The following SMYD3 variants were observed in gnomAD, a reference collection of about 807,000 sequenced individuals.
The protein encoded by SMYD3 is histone-lysine N-methyltransferase SMYD3.
Under a neutral mutation model 57.7 loss-of-function variants are expected in SMYD3, and 36 were observed. The ratio of observed to expected loss-of-function variants is 0.62; its 90% confidence interval spans 0.48 to 0.82. SMYD3 has a LOEUF of 0.82. Among genes scored for constraint, SMYD3 ranks in the 40% least tolerant of loss-of-function variants. The pLI is 0.00. For synonymous variants in SMYD3, 211 were observed against 195.0 expected (o/e 1.08, Z -0.68); for missense variants, 515 against 538.8 (o/e 0.96, Z 0.44).
intron 5 of SMYD3, among the ~76,000 whole-genome samples, chr1:246,216,751 G>C (rs1247672017): frequency 1.3e-5 from 2 of 152,096 alleles, no homozygotes; most frequent in African/African-American, 4.8e-5. Context: ...TGATAAGAAA[G>C]AAATATCCTT....
At chr1:246,055,415 T>G (rs977097413) in intron 5 of SMYD3, among the ~76,000 whole-genome samples, 1 of 151,990 alleles carries the variant, frequency 6.6e-6, no homozygotes. Context: ...CTAGGCAACA[T>G]AGCAAGACCT....
intron 5 of SMYD3, among the ~76,000 whole-genome samples, chr1:246,096,754 T>C (rs1342958619): frequency 2.7e-5 from 4 of 147,190 alleles, no homozygotes; most frequent in Admixed American, 2.0e-4. Context: ...TGGTTATGAT[T>C]GTAACAAATG....
intron 5 of SMYD3, among the ~76,000 whole-genome samples, chr1:246,093,004 T>C (rs954316358): frequency 3.3e-5 from 5 of 151,326 alleles, no homozygotes; most frequent in Non-Finnish European, 7.4e-5. Flanking sequence ...AACACATATA[T>C]GAAAAAATTC....
intron 5 of SMYD3, among the ~76,000 whole-genome samples, chr1:245,994,579 G>A (rs1572860424): frequency 6.6e-6 from 1 of 152,110 alleles, no homozygotes; most frequent in Non-Finnish European, 1.5e-5. Flanking sequence ...CACCACTCTG[G>A]TCATCTCCCA....
At position 245,764,051 on chromosome 1, in the gene SMYD3, T is replaced by G; in HGVS notation, c.1175A>C (p.Asn392Thr). Residue 392 changes from asparagine to threonine, a missense_variant, in exon 11 of 12, where the codon AAT (asparagine) becomes ACT (threonine). Coordinates refer to ENST00000490107, the MANE Select transcript of SMYD3 (RefSeq NM_001167740.2). ...TCTTGGCACACTCACCAGTCTCAGA[T>G]TCTTCATTGCTTGGGGAAACATGCC... is the stretch of plus-strand genomic sequence containing the variant. ...HQGMFPQAMK[N>T]LRLAFDIMRV... 6.2e-7 allele frequency: 1 copy of G among 1,613,354 alleles called. No homozygotes were observed. Among genetic ancestry groups the G allele is most frequent in the Non-Finnish European group, 8.5e-7 (1 of 1,179,312 alleles).
intron 1 of SMYD3, among the ~76,000 whole-genome samples, chr1:246,493,209 T>C (rs1553356418): frequency 8.0e-6 from 1 of 125,114 alleles, no homozygotes; most frequent in Non-Finnish European, 1.7e-5. Flanking sequence ...TCCTAGCTAC[T>C]GGGGGGGAGG....
chr1:246,105,021 T>C (rs984491524), intron 5 of SMYD3, among the ~76,000 whole-genome samples: 1 of 151,796 alleles, frequency 6.6e-6, no homozygotes, highest in Non-Finnish European at 1.5e-5. Flanking sequence ...AAGAGGAGGG[T>C]GGCAGTCGGT....
chr1:246,490,656 T>C (rs1044240527), intron 1 of SMYD3, among the ~76,000 whole-genome samples: 4 of 152,206 alleles, frequency 2.6e-5, no homozygotes, highest in African/African-American at 9.6e-5. Flanking sequence ...GAGGACTGCT[T>C]GAGCCCAGGA....
intron 10 of SMYD3, among the ~76,000 whole-genome samples, chr1:245,802,017 T>C (rs983078199): frequency 6.6e-6 from 1 of 152,138 alleles, no homozygotes; most frequent in African/African-American, 2.4e-5. Flanking sequence ...AATCAATCAG[T>C]CCTACTGATT....
chr1:245,764,032 C>T lies in SMYD3; in HGVS notation c.1185+9G>A. The T allele has an allele frequency of 6.2e-7, 1 of 1,601,206 alleles. No individual in the cohort carries two copies. The highest frequency in any genetic ancestry group is 8.6e-7 in the Non-Finnish European group (1 of 1,168,370). ...CAGGCAGAACTATGTGAGATCTTGG[C>T]ACACTCACCAGTCTCAGATTCTTCA... On this transcript the variant is annotated intron_variant, in intron 11 of 11. Coordinates refer to ENST00000490107, the MANE Select transcript of SMYD3 (RefSeq NM_001167740.2).
At chr1:245,857,926 T>A (rs2051334558) in intron 10 of SMYD3, among the ~76,000 whole-genome samples, 1 of 152,120 alleles carries the variant, frequency 6.6e-6, no homozygotes, top group Non-Finnish European at 1.5e-5. Flanking sequence ...AAGAAGCAAT[T>A]ACCTATAGTT....
chr1:245,982,826 A>C (rs1572842411), intron 5 of SMYD3, among the ~76,000 whole-genome samples: 1 of 152,160 alleles, frequency 6.6e-6, no homozygotes, highest in South Asian at 2.1e-4. Context: ...GGATTTCCTT[A>C]TTTCTTTCGT....
In SMYD3 at chr1:246,335,559, C is replaced by T. The variant is rs369725507; in HGVS notation, c.229-85G>A. 105 of 1,050,844 alleles carry T rather than the reference C, an allele frequency of 1.0e-4. No individual in the cohort carries two copies. In the African/African-American group the frequency reaches 1.3e-3, roughly 14 times the overall value. 65.1% of individuals were successfully genotyped at this position (1,050,844 alleles called of 1,614,324 possible). ...GGTTTTGAACATCAAGAGTCATAAACATTAAATTTTAATAGTCCAAATGTA... is the reference window on the plus strand; with the variant it reads ...GGTTTTGAACATCAAGAGTCATAAATATTAAATTTTAATAGTCCAAATGTA... On this transcript the variant is annotated intron_variant, in intron 2 of 11. Coordinates refer to ENST00000490107, the MANE Select transcript of SMYD3 (RefSeq NM_001167740.2).
At chr1:246,474,737 C>G (rs2068005882) in intron 1 of SMYD3, among the ~76,000 whole-genome samples, 1 of 152,042 alleles carries the variant, frequency 6.6e-6, no homozygotes, top group Non-Finnish European at 1.5e-5. Flanking sequence ...AAAGGGGAGA[C>G]AGGAGACAGA....
At chr1:246,302,307 T>C (rs2064904133) in intron 5 of SMYD3, among the ~76,000 whole-genome samples, 1 of 152,076 alleles carries the variant, frequency 6.6e-6, no homozygotes, top group South Asian at 2.1e-4. Context: ...ACCCTAATAA[T>C]GTTGTTTGAG....
At chr1:246,363,857 C>G (rs1430350434) in intron 1 of SMYD3, among the ~76,000 whole-genome samples, 1 of 152,072 alleles carries the variant, frequency 6.6e-6, no homozygotes, top group East Asian at 1.9e-4. Context: ...GACCTTCCCT[C>G]CACTATTGTC....
intron 10 of SMYD3, among the ~76,000 whole-genome samples, chr1:245,786,212 A>AT (rs200784688): frequency 0.21 from 16,420 of 78,312 alleles, 1,392 homozygotes; most frequent in East Asian, 0.47. Flanking sequence ...TGGGGTGTGG[A>AT]CGGGGGGGGG....
At chr1:246,092,258 T>G (rs1488753056) in intron 5 of SMYD3, among the ~76,000 whole-genome samples, 2 of 152,168 alleles carry the variant, frequency 1.3e-5, no homozygotes, top group African/African-American at 4.8e-5. Flanking sequence ...ATTTCAAAAT[T>G]CTTACATGCA....
At chr1:246,319,312 G>A (rs2065210790) in intron 5 of SMYD3, among the ~76,000 whole-genome samples, 1 of 152,166 alleles carries the variant, frequency 6.6e-6, no homozygotes, top group South Asian at 2.1e-4. Context: ...GTGGCATGTA[G>A]CAGTCACCAC....
Sources: gnomAD v4.1 joint callset for allele counts (sites outside exome capture counted in the v4.1 genomes callset) on GRCh38, gnomAD v4.1.1 for gene constraint, MANE v1.5 for transcripts, NCBI Gene and HGNC (gene_info 2026-07-23, HGNC 2026-07-21) for gene names.